Variants in ATG5 observed in about 807,000 individuals in gnomAD.
ATG5 encodes autophagy related 5.
In ATG5, 14 loss-of-function variants were observed where a neutral mutation model predicts 36.5. The observed-to-expected ratio is 0.38, with a 90% CI of 0.25 to 0.60. The LOEUF (loss-of-function observed/expected upper bound fraction) is 0.60. Among genes scored for constraint, ATG5 ranks in the 20% least tolerant of loss-of-function variants. The pLI, the probability that ATG5 is intolerant of heterozygous loss-of-function variation, is 0.60. For synonymous variants in ATG5, 95 were observed against 101.5 expected (o/e 0.94, Z 0.38); for missense variants, 195 against 326.7 (o/e 0.60, Z 3.11).
At chr6:106,246,662 T>A (rs1778352221) in intron 6 of ATG5, among the ~76,000 whole-genome samples, 1 of 152,172 alleles carries the variant, frequency 6.6e-6, no homozygotes, top group Non-Finnish European at 1.5e-5. Context: ...TAAATATATA[T>A]GCCAGAACTT....
intron 4 of ATG5, among the ~76,000 whole-genome samples, chr6:106,284,337 T>C (rs966562323): frequency 7.2e-5 from 11 of 152,124 alleles, no homozygotes; most frequent in African/African-American, 2.2e-4. Context: ...CTCTCCATCA[T>C]GTGTTACTGT....
chr6:106,269,162 C>A (rs1001835228), intron 5 of ATG5, among the ~76,000 whole-genome samples: 8 of 152,176 alleles, frequency 5.3e-5, no homozygotes, highest in Admixed American at 3.9e-4. Context: ...CAAAGGTTCT[C>A]CAAGTCCCCA....
chr6:106,255,931 T>C (rs1299195790), intron 5 of ATG5, among the ~76,000 whole-genome samples: 1 of 152,196 alleles, frequency 6.6e-6, no homozygotes, highest in African/African-American at 2.4e-5. Flanking sequence ...CTATTACTTT[T>C]TAAAACTACT....
chr6:106,291,398 C>T (rs926257491), intron 4 of ATG5, among the ~76,000 whole-genome samples: 3 of 152,174 alleles, frequency 2.0e-5, no homozygotes, highest in African/African-American at 4.8e-5. Context: ...CAGTTTTAAC[C>T]ACCATTGTTG....
At chr6:106,221,640 C>T (rs1021244246) in intron 6 of ATG5, among the ~76,000 whole-genome samples, 1 of 145,668 alleles carries the variant, frequency 6.9e-6, no homozygotes, top group African/African-American at 2.6e-5. Flanking sequence ...GAGCTGAGAT[C>T]GTGCCACTGC....
At chr6:106,242,155 CAT>C (rs1229266308) in intron 6 of ATG5, among the ~76,000 whole-genome samples, 2 of 149,430 alleles carry the variant, frequency 1.3e-5, no homozygotes, top group African/African-American at 2.5e-5. Context: ...CACACACACA[CAT>C]TTATAGAAGA....
At chr6:106,276,292 G>A (rs1009808514) in intron 5 of ATG5, among the ~76,000 whole-genome samples, 21 of 151,946 alleles carry the variant, frequency 1.4e-4, no homozygotes, top group African/African-American at 3.9e-4. Flanking sequence ...GTGAAACCCC[G>A]TCTCTACTAA....
Position 106,255,060 on chromosome 6 carries a change from A to C in ATG5, c.479-6816T>G, listed in dbSNP as rs569468177. ...TCTATCTTCTCACCCTGTGGGCACA[A>C]TTTAGTTGCCATTTACCTCCCATCA... On this transcript the variant is annotated intron_variant, in intron 5 of 7. Coordinates refer to ENST00000369076, the MANE Select transcript of ATG5 (RefSeq NM_004849.4). Among the ~76,000 whole-genome samples, 3 of 152,310 alleles carry C rather than the reference A, an allele frequency of 2.0e-5. No individual in the cohort carries two copies. In the South Asian group the frequency reaches 6.2e-4, roughly 32 times the overall value.
intron 6 of ATG5, among the ~76,000 whole-genome samples, chr6:106,208,035 T>A (rs1776705000): frequency 6.6e-6 from 1 of 152,136 alleles, no homozygotes; most frequent in Non-Finnish European, 1.5e-5. Context: ...GAGGTTGCAG[T>A]GAGCCGAAAT....
At chr6:106,287,918 AAAAAGCAG>A (rs751021671) in intron 4 of ATG5, among the ~76,000 whole-genome samples, 11 of 152,296 alleles carry the variant, frequency 7.2e-5, no homozygotes, top group Non-Finnish European at 1.5e-4. Context: ...GCAAAATGTT[AAAAAGCAG>A]CAAATCCAAG....
intron 6 of ATG5, among the ~76,000 whole-genome samples, chr6:106,246,603 C>T (rs1778350543): frequency 6.6e-6 from 1 of 152,106 alleles, no homozygotes. Flanking sequence ...AAGTATAATA[C>T]ATTTTCCCTA....
At position 106,228,572 on chromosome 6, in the gene ATG5, T is replaced by G. The variant is rs560182103; in HGVS notation, c.573+19578A>C. Among the ~76,000 whole-genome samples, 546 of 152,176 alleles carry G rather than the reference T, an allele frequency of 3.6e-3. 7 individuals carry two copies. Among genetic ancestry groups the G allele is most frequent in the African/African-American group, 0.012 (517 of 41,518 alleles). ...AACCCCAGGTCAGAGAACACGAGGC[T>G]TGCCATCATCTTAGAAGCAGCCCGC... On this transcript the variant is annotated intron_variant, in intron 6 of 7. Transcript: ENST00000369076.
chr6:106,212,321 C>G (rs1031803831), intron 6 of ATG5, among the ~76,000 whole-genome samples: 19 of 152,240 alleles, frequency 1.2e-4, no homozygotes, highest in African/African-American at 4.6e-4. Flanking sequence ...TTGTTCATGC[C>G]CAAAAGCTAC....
At chr6:106,235,326 C>T (rs1777854179) in intron 6 of ATG5, among the ~76,000 whole-genome samples, 1 of 152,220 alleles carries the variant, frequency 6.6e-6, no homozygotes, top group African/African-American at 2.4e-5. Context: ...GACCGGCCTA[C>T]TAGCCCATGC....
intron 5 of ATG5, among the ~76,000 whole-genome samples, chr6:106,268,221 A>G (rs988983125): frequency 1.1e-4 from 16 of 152,254 alleles, no homozygotes; most frequent in African/African-American, 3.4e-4. Flanking sequence ...TGGGCGAAGG[A>G]TATGAGCAGG....
intron 3 of ATG5, among the ~76,000 whole-genome samples, chr6:106,306,307 C>T (rs1770444307): frequency 6.6e-6 from 1 of 152,154 alleles, no homozygotes; most frequent in South Asian, 2.1e-4. Context: ...ACAAGAATAA[C>T]CACCATGAGG....
intron 6 of ATG5, 104 bp downstream of exon 6, chr6:106,248,044 AAT>A (rs1778416650): frequency 1.2e-6 from 1 of 817,410 alleles, no homozygotes; most frequent in East Asian, 2.6e-5. Flanking sequence ...ACCCCTAATA[AAT>A]ACCGTTTAGT....
At chr6:106,190,087 TG>T (rs1253597879) in intron 7 of ATG5, among the ~76,000 whole-genome samples, 1 of 152,232 alleles carries the variant, frequency 6.6e-6, no homozygotes, top group East Asian at 1.9e-4. Context: ...AAATATTCAT[TG>T]TAGTCCATAT....
rs535868742 is a variant in ATG5, at chr6:106,258,374, T to TA, written c.479-10131dup. Among the ~76,000 whole-genome samples, 106 of 138,798 alleles carry TA rather than the reference T, an allele frequency of 7.6e-4. 1 individual carries two copies. Among genetic ancestry groups the TA allele is most frequent in the African/African-American group, 2.4e-3 (89 of 37,522 alleles). 91.1% of individuals were successfully genotyped at this position (138,798 alleles called of 152,430 possible). Reference sequence around the variant, plus strand: ...GGTGACAGAGCAAGGAGGCCCTGAATAAAAAAAAAAGGCTAGTCAAAAGTG... The same window carrying TA: ...GGTGACAGAGCAAGGAGGCCCTGAATAAAAAAAAAAAGGCTAGTCAAAAGTG... On this transcript the variant is annotated intron_variant, in intron 5 of 7. Coordinates refer to ENST00000369076, the MANE Select transcript of ATG5 (RefSeq NM_004849.4).
Sources: allele counts gnomAD v4.1 joint callset (sites outside exome capture counted in the v4.1 genomes callset), GRCh38; gene constraint gnomAD v4.1.1; transcripts MANE v1.5; gene names NCBI Gene and HGNC (gene_info 2026-07-23, HGNC 2026-07-21).